Variants in KLHL32 observed in about 807,000 individuals in gnomAD.
KLHL32 encodes kelch like family member 32.
KLHL32 carries 35 observed loss-of-function variants against 64.8 expected under a neutral mutation model. The ratio of observed to expected loss-of-function variants is 0.54; its 90% CI spans 0.41 to 0.72. The LOEUF (loss-of-function observed/expected upper bound fraction) is 0.72, where lower values mean the gene tolerates loss of function less well. Among genes scored for constraint, KLHL32 ranks in the 30% least tolerant of loss-of-function variants. The pLI is 0.00. For synonymous variants in KLHL32, 259 were observed against 281.0 expected (o/e 0.92, Z 0.78); for missense variants, 589 against 768.5 (o/e 0.77, Z 2.76).
At chr6:97,058,091 G>C (rs951884886) in intron 4 of KLHL32, among the ~76,000 whole-genome samples, 4 of 152,006 alleles carry the variant, frequency 2.6e-5, no homozygotes, top group Non-Finnish European at 2.9e-5. Flanking sequence ...TCTCTGTTCT[G>C]TTCCATTGAT....
intron 1 of KLHL32, among the ~76,000 whole-genome samples, chr6:96,933,731 T>C (rs1237640207): frequency 9.8e-5 from 15 of 152,286 alleles, no homozygotes; most frequent in African/African-American, 2.9e-4. Context: ...ATGTCCCTCC[T>C]TGGCCAGTTT....
intron 6 of KLHL32, among the ~76,000 whole-genome samples, chr6:97,104,620 GA>G (rs34633969): frequency 2.6e-5 from 4 of 152,020 alleles, no homozygotes; most frequent in African/African-American, 4.8e-5. Flanking sequence ...TTTCTTAGAA[GA>G]AAAAATAGCC....
chr6:96,909,789 G>T, the KLHL32 span, among the ~76,000 whole-genome samples: 2 of 152,208 alleles, frequency 1.3e-5, no homozygotes, highest in South Asian at 4.1e-4. Flanking sequence ...GAGTTTGAAA[G>T]CATGTGTCTT....
chr6:97,001,867 C>T (rs908468644), intron 3 of KLHL32, among the ~76,000 whole-genome samples: 3 of 152,170 alleles, frequency 2.0e-5, no homozygotes, highest in African/African-American at 7.2e-5. Flanking sequence ...TGCCGTTCAT[C>T]TAGACGTATG....
intron 1 of KLHL32, among the ~76,000 whole-genome samples, chr6:96,966,418 T>C (rs925865242): frequency 7.9e-5 from 12 of 152,238 alleles, no homozygotes; most frequent in African/African-American, 2.7e-4. Context: ...CATCCTGTTA[T>C]ATATTTCAAT....
the KLHL32 span, among the ~76,000 whole-genome samples, chr6:96,906,890 G>A: frequency 6.6e-6 from 1 of 152,256 alleles, no homozygotes; most frequent in East Asian, 1.9e-4. Context: ...GGGCACAGTA[G>A]CTCTTATATG....
intron 4 of KLHL32, among the ~76,000 whole-genome samples, chr6:97,060,015 T>C (rs932572274): frequency 2.6e-5 from 4 of 152,232 alleles, no homozygotes; most frequent in African/African-American, 9.6e-5. Context: ...CTTGTTTTGC[T>C]TGCAAAAGCG....
chr6:97,077,285 C>T (rs1011478350), intron 5 of KLHL32, among the ~76,000 whole-genome samples: 15 of 152,064 alleles, frequency 9.9e-5, no homozygotes, highest in Admixed American at 2.0e-4. Flanking sequence ...CTGAAGCAAA[C>T]GATGTCTTTA....
At chr6:96,912,253 C>A in the KLHL32 span, among the ~76,000 whole-genome samples, 1 of 152,176 alleles carries the variant, frequency 6.6e-6, no homozygotes, top group Non-Finnish European at 1.5e-5. Flanking sequence ...ACCCTCCTCA[C>A]TGGCTTTCCT....
Position 97,091,212 on chromosome 6 carries a change from G to GA in KLHL32, c.627+5879dup, listed in dbSNP as rs1411705900. The stretch of plus-strand genomic sequence containing the variant: ...CAATAGAGCGAGACCCTGTCTGGAA[G>GA]AAAAAAAACAAAACAAAACGAAACA... On this transcript the variant is annotated intron_variant, in intron 6 of 10. Coordinates refer to ENST00000369261, the MANE Select transcript of KLHL32 (RefSeq NM_052904.4). Among the ~76,000 whole-genome samples, 9 of 151,932 alleles carry GA rather than the reference G, an allele frequency of 5.9e-5. No individual in the cohort carries two copies. In the South Asian group the frequency reaches 1.0e-3, roughly 18 times the overall value.
chr6:97,077,230 T>G (rs1226591781), intron 5 of KLHL32, among the ~76,000 whole-genome samples: 1 of 152,170 alleles, frequency 6.6e-6, no homozygotes, highest in Non-Finnish European at 1.5e-5. Context: ...GGAAGGGCAT[T>G]TATATTACAG....
intron 4 of KLHL32, among the ~76,000 whole-genome samples, chr6:97,053,641 A>C (rs908553577): frequency 6.6e-6 from 1 of 151,970 alleles, no homozygotes; most frequent in Non-Finnish European, 1.5e-5. Context: ...CCATATGTCT[A>C]TGTGATTTTA....
chr6:96,991,975 G>A (rs1016881334), intron 3 of KLHL32, among the ~76,000 whole-genome samples: 16 of 152,354 alleles, frequency 1.1e-4, no homozygotes, highest in East Asian at 5.8e-4. Context: ...AGGGCAGCAA[G>A]AGCGAGGGCT....
At chr6:97,100,830 G>C (rs1450133084) in intron 6 of KLHL32, among the ~76,000 whole-genome samples, 2 of 144,386 alleles carry the variant, frequency 1.4e-5, no homozygotes, top group Non-Finnish European at 3.0e-5. Context: ...TTGAGACACG[G>C]TCTTGCTCTG....
chr6:96,969,343 A>G (rs1027177959), intron 2 of KLHL32, among the ~76,000 whole-genome samples: 3 of 152,084 alleles, frequency 2.0e-5, no homozygotes, highest in Non-Finnish European at 4.4e-5. Flanking sequence ...CTTTGACCTC[A>G]TTGTAATGTC....
intron 4 of KLHL32, among the ~76,000 whole-genome samples, chr6:97,045,953 A>C (rs747716332): frequency 5.1e-4 from 77 of 152,300 alleles, no homozygotes; most frequent in Non-Finnish European, 8.4e-4. Flanking sequence ...AATGAGATGA[A>C]AATATATCTG....
chr6:97,037,349 T>C (rs1008528869), intron 3 of KLHL32, among the ~76,000 whole-genome samples: 1 of 152,118 alleles, frequency 6.6e-6, no homozygotes, highest in African/African-American at 2.4e-5. Flanking sequence ...TCAGTTTATA[T>C]TGTCCATCTT....
At chr6:97,072,003 C>G (rs908271422) in intron 5 of KLHL32, among the ~76,000 whole-genome samples, 1 of 152,162 alleles carries the variant, frequency 6.6e-6, no homozygotes, top group African/African-American at 2.4e-5. Context: ...CTATAATGTA[C>G]CCTATTCTGA....
At chr6:97,042,475 A>T (rs1292966276) in intron 4 of KLHL32, among the ~76,000 whole-genome samples, 2 of 152,110 alleles carry the variant, frequency 1.3e-5, no homozygotes, top group East Asian at 3.9e-4. Context: ...TTTTCTACTG[A>T]ATTTTATTTT....
Sources: gnomAD v4.1 joint callset for allele counts (sites outside exome capture counted in the v4.1 genomes callset) on GRCh38, gnomAD v4.1.1 for gene constraint, MANE v1.5 for transcripts, NCBI Gene and HGNC (gene_info 2026-07-23, HGNC 2026-07-21) for gene names.